Variants in EYS observed in about 807,000 individuals in gnomAD.
EYS encodes the protein protein eyes shut homolog.
In EYS, 250 loss-of-function variants were observed where a neutral mutation model predicts 282.1. The ratio of observed to expected loss-of-function variants is 0.89; its 90% CI spans 0.80 to 0.98. The LOEUF (loss-of-function observed/expected upper bound fraction) is 0.98. EYS is among the 50% of genes least tolerant of loss of function. EYS has a pLI of 0.00. For missense variants in EYS, 4,016 were observed against 3,709.0 expected (o/e 1.08, Z -2.15); for synonymous variants, 1,355 against 1,282.9 (o/e 1.06, Z -1.20).
At chr6:64,451,659 C>T (rs574181521) in intron 26 of EYS, among the ~76,000 whole-genome samples, 3 of 152,144 alleles carry the variant, frequency 2.0e-5, no homozygotes, top group Non-Finnish European at 4.4e-5. Flanking sequence ...AGCTTATCCA[C>T]CATGATCAAG....
intron 22 of EYS, among the ~76,000 whole-genome samples, chr6:64,730,534 A>T (rs569192721): frequency 2.6e-5 from 4 of 152,280 alleles, no homozygotes; most frequent in Non-Finnish European, 5.9e-5. Flanking sequence ...GCTGGAGTGC[A>T]GTGGCGCGAT....
At chr6:65,393,996 T>G (rs1009939244) in intron 7 of EYS, among the ~76,000 whole-genome samples, 5 of 152,162 alleles carry the variant, frequency 3.3e-5, no homozygotes, top group African/African-American at 1.2e-4. Flanking sequence ...CATATTTCTC[T>G]AATATTTAGT....
rs187514321 is a variant in EYS, at chr6:63,840,379, A to G, written c.7228+23807T>C. On this transcript the variant is annotated intron_variant, in intron 36 of 42. Transcript: ENST00000503581. ...ACGCCCAGCCCCATTTCTTAATTGG[A>G]TTGTTGTTTGTTTTGCTATTGAGTT... 3.0e-3 allele frequency among the ~76,000 whole-genome samples: 455 copies of G among 151,664 alleles called. 9 individuals carry two copies. Among genetic ancestry groups the G allele is most frequent in the Non-Finnish European group, 2.4e-3 (161 of 67,892 alleles).
intron 36 of EYS, among the ~76,000 whole-genome samples, chr6:63,847,801 T>C (rs541037699): frequency 1.3e-3 from 193 of 152,346 alleles, no homozygotes; most frequent in Non-Finnish European, 1.9e-3. Flanking sequence ...TTAGTGTCTA[T>C]ATTTGTACAT....
intron 22 of EYS, among the ~76,000 whole-genome samples, chr6:64,786,345 G>T (rs1374758949): frequency 6.6e-6 from 1 of 152,090 alleles, no homozygotes; most frequent in African/African-American, 2.4e-5. Context: ...AAACCAGCCA[G>T]GTGTATATAT....
chr6:64,204,868 A>G (rs1287057840), intron 31 of EYS, among the ~76,000 whole-genome samples: 1 of 152,182 alleles, frequency 6.6e-6, no homozygotes, highest in Non-Finnish European at 1.5e-5. Flanking sequence ...TTGCAAGCAA[A>G]TATTGAGCTC....
intron 26 of EYS, among the ~76,000 whole-genome samples, chr6:64,440,780 CA>C (rs1297636462): frequency 6.6e-6 from 1 of 151,712 alleles, no homozygotes; most frequent in Non-Finnish European, 1.5e-5. Context: ...TTTTCAAAAA[CA>C]AACATTACAA....
At chr6:65,654,110 A>G (rs983505290) in intron 1 of EYS, among the ~76,000 whole-genome samples, 3 of 151,988 alleles carry the variant, frequency 2.0e-5, no homozygotes, top group African/African-American at 7.2e-5. Flanking sequence ...CTTCAGAGTT[A>G]GTCATAAATT....
At chr6:65,529,132 C>T (rs1020376479) in intron 2 of EYS, among the ~76,000 whole-genome samples, 3 of 151,300 alleles carry the variant, frequency 2.0e-5, no homozygotes, top group Non-Finnish European at 4.4e-5. Context: ...TGGGGGCTTG[C>T]TATTCTTAAA....
intron 26 of EYS, among the ~76,000 whole-genome samples, chr6:64,513,057 T>C (rs1008245304): frequency 2.0e-5 from 3 of 151,736 alleles, no homozygotes; most frequent in Non-Finnish European, 1.5e-5. Flanking sequence ...TATCCAAACA[T>C]AGTACATTTT....
At chr6:65,399,888 T>C (rs1042087682) in intron 7 of EYS, among the ~76,000 whole-genome samples, 33 of 152,042 alleles carry the variant, frequency 2.2e-4, no homozygotes, top group African/African-American at 7.5e-4. Flanking sequence ...GTCTCCTTGC[T>C]GGACTTCATG....
chr6:64,991,285 G>T (rs1211059023), intron 14 of EYS, among the ~76,000 whole-genome samples: 2 of 151,476 alleles, frequency 1.3e-5, no homozygotes, highest in Non-Finnish European at 3.0e-5. Flanking sequence ...TATAAACATA[G>T]CAGGCTGTTT....
chr6:64,013,442 GT>G (rs1227209182), intron 33 of EYS, among the ~76,000 whole-genome samples: 1 of 151,820 alleles, frequency 6.6e-6, no homozygotes, highest in African/African-American at 2.4e-5. Context: ...AAAGCTTCCT[GT>G]TTTTTTTGAC....
intron 24 of EYS, among the ~76,000 whole-genome samples, chr6:64,600,175 T>G (rs1252932112): frequency 6.6e-6 from 1 of 152,128 alleles, no homozygotes; most frequent in Non-Finnish European, 1.5e-5. Context: ...AGTGGTTTCA[T>G]GCCATTGCTG....
intron 1 of EYS, among the ~76,000 whole-genome samples, chr6:65,703,370 A>C (rs2149854212): frequency 6.6e-6 from 1 of 152,266 alleles, no homozygotes; most frequent in African/African-American, 2.4e-5. Flanking sequence ...TGTGAGCAAT[A>C]ATTCTTTTTT....
chr6:64,337,181 G>T (rs1238347838), intron 29 of EYS, among the ~76,000 whole-genome samples: 1 of 151,836 alleles, frequency 6.6e-6, no homozygotes, highest in South Asian at 2.1e-4. Context: ...AAAGATAAAT[G>T]AAACAAAAAG....
rs1766188377 is a variant in EYS, at chr6:65,494,906, C to T, written c.505G>A (p.Val169Met). 1.2e-6 allele frequency: 2 copies of T among 1,614,078 alleles called. No homozygotes were observed. Among genetic ancestry groups the T allele is most frequent in the East Asian group, 4.5e-5 (2 of 44,866 alleles). The change falls in exon 4 of 43, where the codon GTG becomes ATG. Residue 169 changes from valine (V) to methionine (M), a missense_variant. Val to Met is a conservative substitution (Grantham distance 21). Coordinates refer to ENST00000503581, the MANE Select transcript of EYS (RefSeq NM_001142800.2). ...CPLGLRLNVT[V>M]KQQFCQESLS... The stretch of plus-strand genomic sequence containing the variant: ...GATTCCTGGCAGAACTGCTGTTTCA[C>T]TGTCACATTTAGTCGAAGTCCCAGT...
intron 2 of EYS, among the ~76,000 whole-genome samples, chr6:65,543,252 C>T (rs1582436102): frequency 6.6e-6 from 1 of 151,904 alleles, no homozygotes; most frequent in Admixed American, 6.6e-5. Context: ...GAACAACCTG[C>T]CTCGGCCTCC....
At chr6:64,411,423 A>G (rs1214228684) in intron 28 of EYS, among the ~76,000 whole-genome samples, 1 of 152,206 alleles carries the variant, frequency 6.6e-6, no homozygotes, top group African/African-American at 2.4e-5. Flanking sequence ...AAGTTGGCAA[A>G]GTTAGATCAT....
Sources: gnomAD v4.1 joint callset for allele counts (sites outside exome capture counted in the v4.1 genomes callset) on GRCh38, gnomAD v4.1.1 for gene constraint, MANE v1.5 for transcripts, NCBI Gene and HGNC (gene_info 2026-07-23, HGNC 2026-07-21) for gene names.